Variants in SUCLG2 observed in about 807,000 individuals in gnomAD.
The protein encoded by SUCLG2 is succinate-CoA ligase GDP-forming subunit beta, also known as succinate--CoA ligase [GDP-forming] subunit beta, mitochondrial.
A neutral mutation model predicts 47.9 loss-of-function variants in SUCLG2; 42 were observed. That is an observed-to-expected ratio of 0.88 (90% CI 0.69 to 1.14). The LOEUF (loss-of-function observed/expected upper bound fraction) is 1.14, where lower values mean the gene tolerates loss of function less well. SUCLG2 is among the 50% of genes most tolerant of loss of function. The pLI is 0.00. For missense variants in SUCLG2, 571 were observed against 525.9 expected (o/e 1.09, Z -0.84); for synonymous variants, 195 against 197.3 (o/e 0.99, Z 0.10).
intron 10 of SUCLG2, among the ~76,000 whole-genome samples, chr3:67,384,658 T>TA (rs1300301187): frequency 6.6e-6 from 1 of 152,218 alleles, no homozygotes; most frequent in East Asian, 1.9e-4. Flanking sequence ...TCTGACTTGA[T>TA]ATAGTGGTAA....
intron 2 of SUCLG2, among the ~76,000 whole-genome samples, chr3:67,560,284 G>A (rs1559572203): frequency 6.6e-6 from 1 of 152,128 alleles, no homozygotes; most frequent in Non-Finnish European, 1.5e-5. Flanking sequence ...AGAAATTTGG[G>A]AGACTCTGCT....
chr3:67,408,830 C>T, intron 9 of SUCLG2: 3 of 1,417,062 alleles, frequency 2.1e-6, no homozygotes, highest in Non-Finnish European at 2.8e-6. Context: ...CAGCAGTAGG[C>T]AATGGTGTCA....
At chr3:67,496,788 T>A (rs1255825312) in intron 8 of SUCLG2, among the ~76,000 whole-genome samples, 1 of 151,876 alleles carries the variant, frequency 6.6e-6, no homozygotes, top group East Asian at 1.9e-4. Flanking sequence ...AAAATTACTT[T>A]CCTTGAGAGA....
At chr3:67,610,783 T>C (rs1700514519) in intron 1 of SUCLG2, among the ~76,000 whole-genome samples, 1 of 152,218 alleles carries the variant, frequency 6.6e-6, no homozygotes, top group Non-Finnish European at 1.5e-5. Context: ...CTTCATCACA[T>C]GGAGCCATTA....
intron 9 of SUCLG2, among the ~76,000 whole-genome samples, chr3:67,487,020 C>G (rs1705071888): frequency 6.6e-6 from 1 of 152,184 alleles, no homozygotes; most frequent in East Asian, 1.9e-4. Context: ...TCAACTATAC[C>G]AAGAATACTA....
intron 9 of SUCLG2, among the ~76,000 whole-genome samples, chr3:67,439,011 C>A (rs976196552): frequency 1.3e-5 from 2 of 152,150 alleles, no homozygotes; most frequent in African/African-American, 2.4e-5. Context: ...AAACCAAATC[C>A]AGTAGCACAT....
intron 10 of SUCLG2, among the ~76,000 whole-genome samples, chr3:67,392,118 T>G (rs1702401187): frequency 6.6e-6 from 1 of 152,200 alleles, no homozygotes; most frequent in African/African-American, 2.4e-5. Flanking sequence ...TTCATCACTT[T>G]GCTCTCTGCC....
intron 2 of SUCLG2, among the ~76,000 whole-genome samples, chr3:67,573,712 G>T (rs1176658056): frequency 6.6e-6 from 1 of 152,154 alleles, no homozygotes; most frequent in Non-Finnish European, 1.5e-5. Context: ...TGAAACCTGG[G>T]ATTCAAACGG....
At chr3:67,536,101 C>T (rs984002608) in intron 2 of SUCLG2, among the ~76,000 whole-genome samples, 2 of 152,052 alleles carry the variant, frequency 1.3e-5, no homozygotes, top group Non-Finnish European at 2.9e-5. Flanking sequence ...TCGACCATAA[C>T]CAGTGATGAG....
At chr3:67,377,167 G>C (rs748396220) in intron 10 of SUCLG2, among the ~76,000 whole-genome samples, 34 of 152,338 alleles carry the variant, frequency 2.2e-4, no homozygotes, top group Non-Finnish European at 4.1e-4. Context: ...GAGGCACAGA[G>C]AAGTTAAATA....
At chr3:67,448,074 T>C (rs1371803701) in intron 9 of SUCLG2, among the ~76,000 whole-genome samples, 3 of 152,168 alleles carry the variant, frequency 2.0e-5, no homozygotes, top group African/African-American at 7.2e-5. Context: ...AATATTAATA[T>C]GTTGCTTTAG....
At chr3:67,625,028 G>A (rs551952464) in intron 1 of SUCLG2, among the ~76,000 whole-genome samples, 1 of 152,160 alleles carries the variant, frequency 6.6e-6, no homozygotes, top group South Asian at 2.1e-4. Flanking sequence ...AAAATCAGAG[G>A]AGCCGAAGAA....
chr3:67,455,717 T>A (rs887327792), intron 9 of SUCLG2, among the ~76,000 whole-genome samples: 3 of 152,106 alleles, frequency 2.0e-5, no homozygotes, highest in African/African-American at 4.8e-5. Context: ...ACAAAGATCT[T>A]CTTAGGGAAT....
At chr3:67,523,600 G>C (rs1027010682) in intron 4 of SUCLG2, among the ~76,000 whole-genome samples, 4 of 152,238 alleles carry the variant, frequency 2.6e-5, no homozygotes, top group Non-Finnish European at 5.9e-5. Context: ...GTCGTTTATA[G>C]AAATAACATA....
chr3:67,640,848 G>C (rs1288131145), intron 1 of SUCLG2, among the ~76,000 whole-genome samples: 2 of 152,132 alleles, frequency 1.3e-5, no homozygotes, highest in African/African-American at 4.8e-5. Flanking sequence ...GAAAAACAGT[G>C]CTTGGTGTTA....
chr3:67,396,434 A>C (rs557194802), intron 10 of SUCLG2, among the ~76,000 whole-genome samples: 10,897 of 152,104 alleles, frequency 0.072, 396 homozygotes, highest in Middle Eastern at 0.13. Flanking sequence ...GAAATGGATA[A>C]ATTCCTTGAC....
chr3:67,641,525 A>T lies in SUCLG2; in HGVS notation c.84+12978T>A, dbSNP rs559564886. On this transcript the variant is annotated intron_variant, in intron 1 of 10. Transcript: ENST00000307227. ...CAATTTCAGATGTGTTTGATCAAAA[A>T]AATCAACCACACCCACGTTGTCTCA... Among the ~76,000 whole-genome samples, 4 of 152,342 alleles carry T rather than the reference A, an allele frequency of 2.6e-5. No individual in the cohort carries two copies. The South Asian group carries it at 8.3e-4, about 32-fold the overall frequency.
intron 2 of SUCLG2, among the ~76,000 whole-genome samples, chr3:67,573,811 T>A (rs1416676497): frequency 6.6e-6 from 1 of 152,084 alleles, no homozygotes; most frequent in Non-Finnish European, 1.5e-5. Context: ...TAAAACCCTG[T>A]CTTACTCACC....
chr3:67,598,988 T>C (rs1037596619), intron 2 of SUCLG2, among the ~76,000 whole-genome samples: 12 of 152,204 alleles, frequency 7.9e-5, no homozygotes, highest in African/African-American at 2.9e-4. Context: ...GGTGATAAGA[T>C]GAGCCACAAA....
Sources: gnomAD v4.1 joint callset for allele counts (sites outside exome capture counted in the v4.1 genomes callset) on GRCh38, gnomAD v4.1.1 for gene constraint, MANE v1.5 for transcripts, NCBI Gene and HGNC (gene_info 2026-07-23, HGNC 2026-07-21) for gene names.